NEK11: variants seen among roughly 807,000 people sequenced by gnomAD.
NEK11 encodes NIMA related kinase 11.
In NEK11, 72 loss-of-function variants were observed where a neutral mutation model predicts 80.7. The observed-to-expected ratio is 0.89, with a 90% CI of 0.74 to 1.08. NEK11 has a LOEUF of 1.08. Ranked by LOEUF, NEK11 falls within the 50% of genes least tolerant of loss-of-function variation. The pLI, the probability that NEK11 is intolerant of heterozygous loss-of-function variation, is 0.00. For synonymous variants in NEK11, 251 were observed against 260.7 expected, an observed-to-expected ratio of 0.96 and a Z score of 0.36; for missense variants, 764 against 763.6, an observed-to-expected ratio of 1.00 and a Z score of -0.01.
intron 15 of NEK11, among the ~76,000 whole-genome samples, chr3:131,238,388 A>G (rs1321573867): frequency 6.6e-6 from 1 of 152,166 alleles, no homozygotes; most frequent in Non-Finnish European, 1.5e-5. Flanking sequence ...CACCTTGAAC[A>G]GTGTTTATCA....
At chr3:131,131,778 A>G (rs1321179788) in intron 5 of NEK11, among the ~76,000 whole-genome samples, 3 of 151,716 alleles carry the variant, frequency 2.0e-5, no homozygotes, top group African/African-American at 7.3e-5. Flanking sequence ...CTAGTTTTCT[A>G]TGGTGGAAGC....
chr3:131,197,029 C>A (rs2094045349), intron 14 of NEK11, among the ~76,000 whole-genome samples: 1 of 152,062 alleles, frequency 6.6e-6, no homozygotes, highest in Admixed American at 6.6e-5. Flanking sequence ...TATTTCTTTA[C>A]CTCCTGTTTT....
At position 131,069,885 on chromosome 3, in the gene NEK11, A is replaced by G. The variant is rs1437412008; in HGVS notation, c.171-10538A>G. Among the ~76,000 whole-genome samples the G allele has an allele frequency of 2.6e-5, 4 of 151,592 alleles. No individual in the cohort carries two copies. In the East Asian group the frequency reaches 7.8e-4, roughly 30 times the overall value. On this transcript the variant is annotated intron_variant, in intron 3 of 17. Coordinates refer to ENST00000383366, the MANE Select transcript of NEK11 (RefSeq NM_024800.5). ...GAGATATACCTAATGCTAGATGACG[A>G]GTTAGTGGGTGCAGCGCACCAGCAC...
chr3:131,310,384 C>T (rs1335716997), intron 17 of NEK11, among the ~76,000 whole-genome samples: 1 of 152,152 alleles, frequency 6.6e-6, no homozygotes, highest in East Asian at 1.9e-4. Context: ...CAGTGAGGAA[C>T]TGGGTTTTAA....
intron 4 of NEK11, among the ~76,000 whole-genome samples, chr3:131,088,579 G>T (rs951076997): frequency 6.6e-6 from 1 of 150,750 alleles, no homozygotes; most frequent in African/African-American, 2.4e-5. Context: ...ATTTCAAATG[G>T]TTTTTTTTTA....
intron 17 of NEK11, among the ~76,000 whole-genome samples, chr3:131,302,666 G>T (rs749780261): frequency 1.4e-4 from 22 of 152,126 alleles, no homozygotes; most frequent in Non-Finnish European, 2.9e-4. Context: ...GGTTTTTAGA[G>T]ATCTCCTTAG....
chr3:131,177,060 C>G (rs1344618967), intron 14 of NEK11, among the ~76,000 whole-genome samples: 3 of 152,126 alleles, frequency 2.0e-5, no homozygotes, highest in Non-Finnish European at 4.4e-5. Context: ...GTGTTTCAGA[C>G]AGTGCTCTGC....
chr3:131,161,166 A>G (rs1234310306), intron 10 of NEK11, among the ~76,000 whole-genome samples: 12 of 144,700 alleles, frequency 8.3e-5, no homozygotes, highest in African/African-American at 1.6e-4. Flanking sequence ...AAAAAAAAAG[A>G]AAAAAAAAGT....
chr3:131,291,433 G>A (rs973140614), intron 17 of NEK11, among the ~76,000 whole-genome samples: 1 of 151,910 alleles, frequency 6.6e-6, no homozygotes, highest in Admixed American at 6.6e-5. Context: ...AACTCCTCTA[G>A]GTAAATACCA....
intron 3 of NEK11, among the ~76,000 whole-genome samples, chr3:131,056,534 T>A (rs2069534705): frequency 6.6e-6 from 1 of 152,220 alleles, no homozygotes; most frequent in Non-Finnish European, 1.5e-5. Flanking sequence ...ATGGTTCTGA[T>A]GTTCAGTGAC....
chr3:131,076,792 G>T (rs1041114236), intron 3 of NEK11, among the ~76,000 whole-genome samples: 2 of 152,132 alleles, frequency 1.3e-5, no homozygotes, highest in Non-Finnish European at 1.5e-5. Context: ...TGTTCACTGT[G>T]TTCACTGTTC....
intron 4 of NEK11, among the ~76,000 whole-genome samples, chr3:131,089,083 G>C (rs747780362): frequency 6.6e-6 from 1 of 152,144 alleles, no homozygotes; most frequent in Non-Finnish European, 1.5e-5. Flanking sequence ...CTTTGGAGTT[G>C]TTCAAATTTT....
intron 15 of NEK11, among the ~76,000 whole-genome samples, chr3:131,234,209 A>G (rs1473013713): frequency 2.6e-5 from 4 of 152,168 alleles, no homozygotes; most frequent in Non-Finnish European, 5.9e-5. Context: ...GTAAAACAAA[A>G]AAGACCCAAC....
At chr3:131,120,450 T>C (rs2082166445) in intron 5 of NEK11, among the ~76,000 whole-genome samples, 1 of 152,196 alleles carries the variant, frequency 6.6e-6, no homozygotes. Flanking sequence ...CTGATAATTA[T>C]GTGGCTTGGA....
chr3:131,113,830 G>C (rs1376778608), intron 5 of NEK11, among the ~76,000 whole-genome samples: 1 of 149,452 alleles, frequency 6.7e-6, no homozygotes, highest in Non-Finnish European at 1.5e-5. Context: ...AGAATGGCTT[G>C]AACCTGGGAG....
At chr3:131,063,144 C>A (rs2071225214) in intron 3 of NEK11, among the ~76,000 whole-genome samples, 1 of 152,208 alleles carries the variant, frequency 6.6e-6, no homozygotes, top group Non-Finnish European at 1.5e-5. Context: ...CCTGCCTCAG[C>A]CTCCCAAGTA....
At chr3:131,331,614 C>T (rs2097084424) in intron 17 of NEK11, among the ~76,000 whole-genome samples, 1 of 152,168 alleles carries the variant, frequency 6.6e-6, no homozygotes, top group Non-Finnish European at 1.5e-5. Context: ...GGGCGCAGGA[C>T]AGTGGGTGCA....
intron 3 of NEK11, among the ~76,000 whole-genome samples, chr3:131,034,300 A>T (rs2047052): frequency 0.68 from 104,024 of 152,182 alleles, 36,178 homozygotes; most frequent in Middle Eastern, 0.75. Context: ...AATGATTTTT[A>T]AAAAATTTAT....
chr3:131,224,221 T>C (rs1413316965), intron 14 of NEK11, among the ~76,000 whole-genome samples: 1 of 151,384 alleles, frequency 6.6e-6, no homozygotes, highest in Non-Finnish European at 1.5e-5. Flanking sequence ...TACTGCTTTA[T>C]GTATTTACTA....
Sources: allele counts gnomAD v4.1 joint callset (sites outside exome capture counted in the v4.1 genomes callset), GRCh38; gene constraint gnomAD v4.1.1; transcripts MANE v1.5; gene names NCBI Gene and HGNC (gene_info 2026-07-23, HGNC 2026-07-21).